Variants in NBEA observed in about 807,000 individuals in gnomAD.
The protein encoded by NBEA is neurobeachin.
In NBEA, 44 loss-of-function variants were observed where a neutral mutation model predicts 343.4. The ratio of observed to expected loss-of-function variants is 0.13; its 90% CI spans 0.10 to 0.16. The LOEUF (loss-of-function observed/expected upper bound fraction) is 0.16. NBEA is among the 10% of genes least tolerant of loss of function. NBEA has a pLI of 1.00. For synonymous variants in NBEA, 1,175 were observed against 1,238.7 expected (o/e 0.95, Z 1.08); for missense variants, 2,555 against 3,631.3 (o/e 0.70, Z 7.62).
intron 49 of NBEA, among the ~76,000 whole-genome samples, chr13:35,638,714 A>G (rs2083808530): frequency 6.6e-6 from 1 of 151,988 alleles, no homozygotes; most frequent in Non-Finnish European, 1.5e-5. Context: ...AAATGCACTC[A>G]CTCTTCCTAC....
At chr13:35,170,432 A>G (rs2152721862) in intron 25 of NBEA, among the ~76,000 whole-genome samples, 1 of 151,984 alleles carries the variant, frequency 6.6e-6, no homozygotes, top group South Asian at 2.1e-4. Context: ...TGATAAAATG[A>G]GGCCTAGTCC....
intron 31 of NBEA, among the ~76,000 whole-genome samples, chr13:35,201,360 T>C (rs2073009482): frequency 6.6e-6 from 1 of 152,102 alleles, no homozygotes; most frequent in African/African-American, 2.4e-5. Context: ...TATTTTTTTA[T>C]ATTGCAATTC....
chr13:35,292,190 C>T (rs1451709261), intron 35 of NBEA, among the ~76,000 whole-genome samples: 2 of 151,930 alleles, frequency 1.3e-5, no homozygotes. Flanking sequence ...GCTTCTAGAA[C>T]TATCTTTGTA....
At chr13:35,102,239 T>G (rs1270525227) in intron 11 of NBEA, among the ~76,000 whole-genome samples, 1 of 151,878 alleles carries the variant, frequency 6.6e-6, no homozygotes, top group Non-Finnish European at 1.5e-5. Flanking sequence ...AGTCTAATCT[T>G]TGCCATAAAT....
At chr13:35,113,688 CAGTT>C (rs1410111973) in intron 13 of NBEA, among the ~76,000 whole-genome samples, 1 of 151,992 alleles carries the variant, frequency 6.6e-6, no homozygotes, top group East Asian at 1.9e-4. Flanking sequence ...GTTATATCAA[CAGTT>C]AGCATACTTT....
At chr13:35,224,881 G>T (rs182438225) in intron 33 of NBEA, among the ~76,000 whole-genome samples, 52 of 152,176 alleles carry the variant, frequency 3.4e-4, no homozygotes, top group Non-Finnish European at 2.1e-4. Context: ...AAATGGGTCT[G>T]CCTCTCCTTA....
intron 41 of NBEA, among the ~76,000 whole-genome samples, chr13:35,533,236 A>G (rs1208484995): frequency 6.6e-6 from 1 of 152,124 alleles, no homozygotes; most frequent in Admixed American, 6.5e-5. Context: ...CAATGAATCA[A>G]TTTAATCATG....
intron 35 of NBEA, among the ~76,000 whole-genome samples, 177 bp downstream of exon 35, chr13:35,290,627 A>G (rs2035744043): frequency 6.6e-6 from 1 of 151,396 alleles, no homozygotes; most frequent in African/African-American, 2.4e-5. Flanking sequence ...TTATCTTACC[A>G]TGTAAATATT....
At chr13:35,385,996 A>G (rs2042226031) in intron 38 of NBEA, among the ~76,000 whole-genome samples, 1 of 152,140 alleles carries the variant, frequency 6.6e-6, no homozygotes. Flanking sequence ...ATTTCAGGTA[A>G]TTACATTAAT....
rs543866249 is a variant in NBEA at position 35,284,015 on chromosome 13, C to T, written c.5777-6374C>T. Among the ~76,000 whole-genome samples the T allele has an allele frequency of 1.5e-3, 227 of 150,244 alleles. 1 individual carries two copies. The highest frequency in any genetic ancestry group is 5.4e-3 in the African/African-American group (222 of 40,828). ...ACACACACACACACACACACACACA[C>T]CACACAGATGCATGTACACACACAT... On this transcript the variant is annotated intron_variant, in intron 34 of 58. Transcript: ENST00000379939.
At chr13:35,244,100 A>G (rs1349286039) in intron 34 of NBEA, among the ~76,000 whole-genome samples, 1 of 151,942 alleles carries the variant, frequency 6.6e-6, no homozygotes, top group Non-Finnish European at 1.5e-5. Context: ...TTCTAATCAC[A>G]GTGGAATGAA....
At chr13:35,645,778 C>A (rs2084197830) in intron 49 of NBEA, 91 bp from the exon 50 acceptor site, 1 of 637,330 alleles carries the variant, frequency 1.6e-6, no homozygotes, top group Non-Finnish European at 2.6e-6. Context: ...CTGCTGATCA[C>A]CCTCTGAATT....
chr13:35,182,297 G>C, intron 28 of NBEA, 63 bp from the exon 29 acceptor site: 2 of 1,450,934 alleles, frequency 1.4e-6, no homozygotes, highest in Non-Finnish European at 1.8e-6. Context: ...GCAGTTTCTA[G>C]TGCTTTAAGA....
chr13:35,421,314 A>C (rs560149684), intron 38 of NBEA, among the ~76,000 whole-genome samples: 1 of 151,764 alleles, frequency 6.6e-6, no homozygotes, highest in South Asian at 2.1e-4. Context: ...TGATTTATCT[A>C]TGTTTCTTAG....
At chr13:35,455,397 TA>T (rs529352383) in intron 40 of NBEA, among the ~76,000 whole-genome samples, 3,669 of 126,014 alleles carry the variant, frequency 0.029, 50 homozygotes, top group South Asian at 0.039. Context: ...TTTCTGTTTA[TA>T]AAAAAAAAAA....
chr13:35,067,684 G>A (rs1271320937), intron 8 of NBEA, among the ~76,000 whole-genome samples: 3 of 151,632 alleles, frequency 2.0e-5, no homozygotes, highest in Non-Finnish European at 4.4e-5. Context: ...GAAATAATAC[G>A]GTAAACATTG....
At chr13:35,269,791 A>G (rs1438641337) in intron 34 of NBEA, among the ~76,000 whole-genome samples, 1 of 152,190 alleles carries the variant, frequency 6.6e-6, no homozygotes, top group African/African-American at 2.4e-5. Context: ...GGAGATGTAA[A>G]AATGAAGATT....
intron 35 of NBEA, among the ~76,000 whole-genome samples, chr13:35,307,257 C>T (rs2036953249): frequency 6.6e-6 from 1 of 151,898 alleles, no homozygotes; most frequent in Admixed American, 6.6e-5. Flanking sequence ...TGTGGAAAGG[C>T]GTGTAACAAC....
At chr13:35,646,010 C>T in intron 50 of NBEA, 79 bp downstream of exon 50, 6 of 917,670 alleles carry the variant, frequency 6.5e-6, no homozygotes, top group Non-Finnish European at 8.3e-6. Flanking sequence ...AGATTTTCCA[C>T]ATTTAACCCC....
Sources: gnomAD v4.1 joint callset for allele counts (sites outside exome capture counted in the v4.1 genomes callset) on GRCh38, gnomAD v4.1.1 for gene constraint, MANE v1.5 for transcripts, NCBI Gene and HGNC (gene_info 2026-07-23, HGNC 2026-07-21) for gene names.